The following CEACAM21 variants were observed in gnomAD, a reference collection of about 807,000 sequenced individuals.
CEACAM21 encodes cell adhesion molecule CEACAM21.
CEACAM21 carries 38 observed loss-of-function variants against 33.2 expected under a neutral mutation model. The observed-to-expected ratio is 1.14, with a 90% confidence interval of 0.88 to 1.50. The LOEUF is 1.50. Among genes scored for constraint, CEACAM21 ranks in the 40% most tolerant of loss-of-function variants. The probability of loss-of-function intolerance (pLI) is 0.00; values close to 1 mark genes in which losing one functional copy is unlikely to be tolerated. For missense variants in CEACAM21, 385 were observed against 364.6 expected, an observed-to-expected ratio of 1.06 and a Z score of -0.46; for synonymous variants, 156 against 143.0, an observed-to-expected ratio of 1.09 and a Z score of -0.65.
At chr19:41,577,829 C>A (rs1213640978) in intron 2 of CEACAM21, among the ~76,000 whole-genome samples, 1 of 152,176 alleles carries the variant, frequency 6.6e-6, no homozygotes, top group African/African-American at 2.4e-5. Context: ...AGTCCAACCC[C>A]CCTTGGCCTC....
Position 41,579,355 on chromosome 19 carries a change from T to A in CEACAM21, c.427T>A (p.Ser143Thr). Residue 143 changes from serine to threonine, a missense_variant and splice_region_variant, in exon 3 of 7, where the codon TCA becomes ACA. Transcript: ENST00000401445. ...TCTGTTGGTCACTCTATCCACAGAGTCAGTGGCTCAGCCCTCCATCCAAGC... is the reference window on the plus strand; with the variant it reads ...TCTGTTGGTCACTCTATCCACAGAGACAGTGGCTCAGCCCTCCATCCAAGC... ...QASHHLRVYESVAQPSIQASS... is the reference protein window; with the variant it reads ...QASHHLRVYETVAQPSIQASS... 3 of 1,613,732 alleles carry A rather than the reference T, an allele frequency of 1.9e-6. No homozygotes were observed. Among genetic ancestry groups the A allele is most frequent in the Non-Finnish European group, 2.5e-6 (3 of 1,179,798 alleles).
chr19:41,565,654 T>C (rs1450152464), intron 2 of CEACAM21: 1 of 151,610 alleles, frequency 6.6e-6, no homozygotes, highest in Non-Finnish European at 1.5e-5. Context: ...TTTTGTCTTT[T>C]TTAAGAAGAA....
intron 1 of CEACAM21, chr19:41,551,052 G>C (rs1366954904): frequency 1.3e-5 from 2 of 151,572 alleles, no homozygotes; most frequent in African/African-American, 2.4e-5. Flanking sequence ...ATCGGGACTC[G>C]TTTCATCTCT....
chr19:41,576,653 T>C (rs942508500), intron 1 of CEACAM21, among the ~76,000 whole-genome samples: 1 of 152,190 alleles, frequency 6.6e-6, no homozygotes, highest in South Asian at 2.1e-4. Flanking sequence ...TCTGCCAACC[T>C]CAGACATTAG....
chr19:41,585,573 C>A, intron 5 of CEACAM21, 78 bp downstream of exon 5: 2 of 1,472,100 alleles, frequency 1.4e-6, no homozygotes, highest in Non-Finnish European at 1.9e-6. Context: ...CAGTTACACC[C>A]AGGGGCCTCT....
intron 1 of CEACAM21, among the ~76,000 whole-genome samples, chr19:41,555,713 G>A (rs1341709248): frequency 1.3e-5 from 2 of 149,188 alleles, no homozygotes; most frequent in Non-Finnish European, 3.0e-5. Flanking sequence ...TAGTAGCACA[G>A]CAACAATCAG....
At position 41,584,373 on chromosome 19, in the gene CEACAM21, A is replaced by T; in HGVS notation, c.727A>T (p.Ile243Phe). Residue 243 changes from isoleucine to phenylalanine, a missense_variant, in exon 4 of 7, where the codon ATC (isoleucine) becomes TTC (phenylalanine). By Grantham distance (21) the Ile-to-Phe change is conservative. Coordinates refer to ENST00000401445, the MANE Select transcript of CEACAM21 (RefSeq NM_001098506.4). ...AGATGACAACACTCTAGGCATCCTG[A>T]TCGGGGTCCTGGTTGGGAGTCTTCT... ...KSDDNTLGIL[I>F]GVLVGSLLVA... The T allele has an allele frequency of 6.2e-7, 1 of 1,611,810 alleles. No homozygotes were observed. The highest frequency in any genetic ancestry group is 8.5e-7 in the Non-Finnish European group (1 of 1,178,886).
upstream of CEACAM21, among the ~76,000 whole-genome samples, chr19:41,573,002 G>T (rs2042708945): frequency 6.6e-6 from 1 of 152,120 alleles, no homozygotes; most frequent in African/African-American, 2.4e-5. Flanking sequence ...CCCCAACCCT[G>T]GGAGGAGGAT....
intron 1 of CEACAM21, among the ~76,000 whole-genome samples, chr19:41,563,197 G>A (rs2042009268): frequency 6.6e-6 from 1 of 152,190 alleles, no homozygotes; most frequent in Admixed American, 6.5e-5. Flanking sequence ...AGCAGAGTTG[G>A]GGATACTGGT....
At chr19:41,582,810 C>T (rs1233320186) in intron 3 of CEACAM21, among the ~76,000 whole-genome samples, 2 of 152,166 alleles carry the variant, frequency 1.3e-5, no homozygotes, top group African/African-American at 4.8e-5. Flanking sequence ...GGCCTCCAGT[C>T]CTGTGATGGA....
intron 2 of CEACAM21, among the ~76,000 whole-genome samples, chr19:41,568,473 G>A (rs571978242): frequency 5.3e-5 from 8 of 152,244 alleles, no homozygotes; most frequent in Admixed American, 2.6e-4. Flanking sequence ...TGCATGGTGA[G>A]GGATAGGGTC....
At chr19:41,584,570 T>A (rs539900760) in intron 4 of CEACAM21, 127 bp downstream of exon 4, 1 of 810,704 alleles carries the variant, frequency 1.2e-6, no homozygotes, top group African/African-American at 1.7e-5. Flanking sequence ...GATCCTTCCC[T>A]CTCATTCCAT....
At chr19:41,586,258 A>C (rs1409596966) in intron 6 of CEACAM21, 1 of 528,660 alleles carries the variant, frequency 1.9e-6, no homozygotes, top group Non-Finnish European at 3.5e-6. Flanking sequence ...ATCTGTCCCC[A>C]CTGGCATCTG....
chr19:41,576,294 G>C lies in CEACAM21; in HGVS notation c.20G>C (p.Cys7Ser). ...GAGACCATGGGGCCCCCCTCAGCTTGTCCCCACAGAGAATGCATCCCCTGG... is the reference window on the plus strand; with the variant it reads ...GAGACCATGGGGCCCCCCTCAGCTTCTCCCCACAGAGAATGCATCCCCTGG... MGPPSACPHRECIPWQG... is the reference protein window; with the variant it reads MGPPSASPHRECIPWQG... Residue 7 changes from cysteine (C) to serine (S), a missense_variant, in exon 1 of 7, where the codon TGT becomes TCT. Coordinates refer to ENST00000401445, the MANE Select transcript of CEACAM21 (RefSeq NM_001098506.4). 1 of 1,613,450 alleles carries C rather than the reference G, an allele frequency of 6.2e-7. No homozygotes were observed. Among genetic ancestry groups the C allele is most frequent in the Non-Finnish European group, 8.5e-7 (1 of 1,179,616 alleles).
chr19:41,563,366 G>A (rs1555787381), intron 1 of CEACAM21, among the ~76,000 whole-genome samples: 1 of 152,192 alleles, frequency 6.6e-6, no homozygotes, highest in African/African-American at 2.4e-5. Context: ...TCCCACACCT[G>A]TCTGGGCTGT....
At chr19:41,551,029 T>A (rs2041167371) in intron 1 of CEACAM21, among the ~76,000 whole-genome samples, 1 of 152,210 alleles carries the variant, frequency 6.6e-6, no homozygotes. Flanking sequence ...GCAATGCCCA[T>A]GGGGCAATTT....
At chr19:41,558,433 G>T (rs987502523) in intron 1 of CEACAM21, among the ~76,000 whole-genome samples, 1 of 152,104 alleles carries the variant, frequency 6.6e-6, no homozygotes, top group Non-Finnish European at 1.5e-5. Context: ...AGATCATGAG[G>T]TCAGGAGATC....
intron 2 of CEACAM21, among the ~76,000 whole-genome samples, chr19:41,569,403 A>G (rs1555788922): frequency 6.6e-6 from 1 of 152,000 alleles, no homozygotes; most frequent in African/African-American, 2.4e-5. Flanking sequence ...TGTAGAGACA[A>G]CAACTCGCTA....
chr19:41,568,136 T>A (rs782149156), intron 2 of CEACAM21, among the ~76,000 whole-genome samples: 30 of 152,230 alleles, frequency 2.0e-4, no homozygotes, highest in African/African-American at 2.6e-4. Flanking sequence ...CATAATTTTC[T>A]TATATATTTT....
Sources: allele counts gnomAD v4.1 joint callset (sites outside exome capture counted in the v4.1 genomes callset), GRCh38; gene constraint gnomAD v4.1.1; transcripts MANE v1.5; gene names NCBI Gene and HGNC (gene_info 2026-07-23, HGNC 2026-07-21).